Variants in AGBL3 observed in about 807,000 individuals in gnomAD.
AGBL3 encodes cytosolic carboxypeptidase 3.
In AGBL3, 68 loss-of-function variants were observed where a neutral mutation model predicts 94.5. The ratio of observed to expected loss-of-function variants is 0.72; its 90% CI spans 0.59 to 0.88. The LOEUF (loss-of-function observed/expected upper bound fraction) is 0.88. Among genes scored for constraint, AGBL3 ranks in the 40% least tolerant of loss-of-function variants. The probability of loss-of-function intolerance (pLI) is 0.00; values close to 1 mark genes in which losing one functional copy is unlikely to be tolerated. For synonymous variants in AGBL3, 354 were observed against 370.7 expected (o/e 0.95, Z 0.52); for missense variants, 934 against 1,103.8 (o/e 0.85, Z 2.18).
intron 15 of AGBL3, chr7:135,092,608 T>C (rs1400757683): frequency 6.6e-6 from 1 of 152,176 alleles, no homozygotes; most frequent in Non-Finnish European, 1.5e-5. Context: ...GACATAGTAA[T>C]ATGAAACAAA....
intron 15 of AGBL3, among the ~76,000 whole-genome samples, chr7:135,104,603 T>G (rs1437678346): frequency 6.6e-6 from 1 of 152,220 alleles, no homozygotes; most frequent in Admixed American, 6.5e-5. Context: ...ATTTTTTGAC[T>G]TTTTAATAAT....
At chr7:135,061,066 T>G (rs1221765105) in intron 12 of AGBL3, among the ~76,000 whole-genome samples, 1 of 151,834 alleles carries the variant, frequency 6.6e-6, no homozygotes, top group Non-Finnish European at 1.5e-5. Context: ...ATTATCTTTT[T>G]TTTTTTTATA....
chr7:135,127,341 G>C (rs1055884539), intron 16 of AGBL3, among the ~76,000 whole-genome samples: 1 of 152,168 alleles, frequency 6.6e-6, no homozygotes, highest in Non-Finnish European at 1.5e-5. Flanking sequence ...TGGATCACGA[G>C]GTCAGAATAT....
intron 1 of AGBL3, among the ~76,000 whole-genome samples, chr7:134,987,363 C>T (rs916156795): frequency 6.6e-6 from 1 of 152,128 alleles, no homozygotes; most frequent in Non-Finnish European, 1.5e-5. Context: ...ATACAACCTT[C>T]TGGTAGCTAT....
intron 5 of AGBL3, among the ~76,000 whole-genome samples, chr7:135,028,558 C>A (rs1815396804): frequency 6.6e-6 from 1 of 152,174 alleles, no homozygotes; most frequent in Non-Finnish European, 1.5e-5. Context: ...AATTCTAGTT[C>A]TCTTGCTATT....
intron 5 of AGBL3, 83 bp from the exon 6 acceptor site, chr7:135,032,761 T>C: frequency 7.7e-7 from 1 of 1,292,724 alleles, no homozygotes; most frequent in Non-Finnish European, 1.0e-6. Flanking sequence ...CTTACACTTG[T>C]ACTATTGCTC....
chr7:135,114,455 A>G (rs1826041904), intron 15 of AGBL3, among the ~76,000 whole-genome samples: 1 of 152,200 alleles, frequency 6.6e-6, no homozygotes, highest in East Asian at 1.9e-4. Flanking sequence ...CTCCATTAAC[A>G]AAACAATAAT....
At chr7:135,007,451 CAT>C (rs954811566) in intron 4 of AGBL3, among the ~76,000 whole-genome samples, 16 of 151,794 alleles carry the variant, frequency 1.1e-4, no homozygotes, top group African/African-American at 3.9e-4. Flanking sequence ...TTTCAATAAA[CAT>C]AGAAAAGACA....
intron 15 of AGBL3, among the ~76,000 whole-genome samples, chr7:135,090,368 G>A (rs1405980528): frequency 6.6e-6 from 1 of 152,178 alleles, no homozygotes; most frequent in East Asian, 1.9e-4. Flanking sequence ...TTCAACTCTA[G>A]GGAAACAGAA....
intron 15 of AGBL3, among the ~76,000 whole-genome samples, chr7:135,089,719 G>A (rs550941737): frequency 6.6e-6 from 1 of 152,326 alleles, no homozygotes; most frequent in East Asian, 1.9e-4. Flanking sequence ...AAGGGCTTTT[G>A]AGGTCTTCCT....
intron 15 of AGBL3, among the ~76,000 whole-genome samples, chr7:135,107,797 T>C (rs1824970452): frequency 6.6e-6 from 1 of 151,866 alleles, no homozygotes; most frequent in African/African-American, 2.4e-5. Context: ...GGTGATCTAA[T>C]ACTGTTAGTG....
Position 135,017,146 on chromosome 7 carries a change from T to C in AGBL3, c.405T>C (p.Tyr135=), listed in dbSNP as rs990558458. ...YPDSKEATVV[Y]LAEDAYKEPC... ...ACTCCAAGGAAGCTACTGTGGTTTA[T>C]CTAGCTGAAGATGGTGAGCACATAA... The change falls in exon 5 of 17, where the codon TAT becomes TAC. Residue 135 remains tyrosine, a synonymous_variant. Coordinates refer to ENST00000436302, the MANE Select transcript of AGBL3 (RefSeq NM_178563.4). The C allele has an allele frequency of 2.6e-6, 4 of 1,543,840 alleles. No homozygotes were observed. The highest frequency in any genetic ancestry group is 2.6e-6 in the Non-Finnish European group (3 of 1,139,398).
chr7:135,001,711 T>G (rs1346703740), intron 4 of AGBL3, among the ~76,000 whole-genome samples: 1 of 152,172 alleles, frequency 6.6e-6, no homozygotes, highest in Non-Finnish European at 1.5e-5. Flanking sequence ...TTTCAGCATG[T>G]TATTTGTCCC....
At chr7:135,042,615 A>AT (rs1816962123) in intron 8 of AGBL3, among the ~76,000 whole-genome samples, 1 of 152,156 alleles carries the variant, frequency 6.6e-6, no homozygotes, top group Non-Finnish European at 1.5e-5. Context: ...GTGTGTTAAA[A>AT]TTCATAAAAT....
intron 8 of AGBL3, among the ~76,000 whole-genome samples, chr7:135,043,215 T>A (rs1817035442): frequency 6.6e-6 from 1 of 152,116 alleles, no homozygotes; most frequent in Non-Finnish European, 1.5e-5. Context: ...CATTAGCAGA[T>A]GAATGGATAA....
intron 16 of AGBL3, among the ~76,000 whole-genome samples, chr7:135,120,874 C>T (rs934813327): frequency 1.3e-5 from 2 of 152,056 alleles, no homozygotes; most frequent in Admixed American, 6.6e-5. Flanking sequence ...AAAGGTCAAT[C>T]CACTAGAAAC....
chr7:135,017,318 G>C, intron 5 of AGBL3, 159 bp downstream of exon 5: 1 of 601,492 alleles, frequency 1.7e-6, no homozygotes, highest in Non-Finnish European at 2.9e-6. Flanking sequence ...TTGATTTAGA[G>C]CCAGTTATAT....
At chr7:135,032,756 A>G (rs1030907791) in intron 5 of AGBL3, 88 bp from the exon 6 acceptor site, 1 of 1,256,934 alleles carries the variant, frequency 8.0e-7, no homozygotes, top group Non-Finnish European at 1.1e-6. Flanking sequence ...CAATCCTTAC[A>G]CTTGTACTAT....
At chr7:135,016,907 C>T (rs1470952063) in intron 4 of AGBL3, 145 bp from the exon 5 acceptor site, 2 of 620,578 alleles carry the variant, frequency 3.2e-6, no homozygotes, top group African/African-American at 3.7e-5. Context: ...TTCATTATTC[C>T]AATGAACCCT....
Sources: gnomAD v4.1 joint callset for allele counts (sites outside exome capture counted in the v4.1 genomes callset) on GRCh38, gnomAD v4.1.1 for gene constraint, MANE v1.5 for transcripts, NCBI Gene and HGNC (gene_info 2026-07-23, HGNC 2026-07-21) for gene names.